Variants in TNKS1BP1 observed in about 807,000 individuals in gnomAD.
TNKS1BP1 encodes CCR4-NOT transcription complex subunit 12.
Under a neutral mutation model 141.1 loss-of-function variants are expected in TNKS1BP1, and 48 were observed. The observed-to-expected ratio is 0.34, with a 90% CI of 0.27 to 0.43. The LOEUF is 0.43. Among genes scored for constraint, TNKS1BP1 ranks in the 20% least tolerant of loss-of-function variants. The pLI is 1.00. For missense variants in TNKS1BP1, 2,149 were observed against 2,226.0 expected (o/e 0.97, Z 0.70); for synonymous variants, 875 against 898.2 (o/e 0.97, Z 0.46).
intron 3 of TNKS1BP1, 39 bp from the exon 4 acceptor site, chr11:57,317,926 T>C (rs1392811374): frequency 6.3e-7 from 1 of 1,593,782 alleles, no homozygotes; most frequent in Admixed American, 1.7e-5. Flanking sequence ...GCACGGAATG[T>C]TAGAGTCTGT....
intron 3 of TNKS1BP1, among the ~76,000 whole-genome samples, 166 bp from the exon 4 acceptor site, chr11:57,318,053 T>C (rs865854609): frequency 6.6e-6 from 1 of 152,238 alleles, no homozygotes. Flanking sequence ...ACACAGAATC[T>C]GTCCATTTTC....
intron 6 of TNKS1BP1, among the ~76,000 whole-genome samples, chr11:57,304,632 G>A (rs764448141): frequency 3.3e-5 from 5 of 152,144 alleles, no homozygotes; most frequent in Admixed American, 1.3e-4. Context: ...CACTTTGGGA[G>A]GCCAAAACAG....
At chr11:57,311,411 G>C (rs533649316) in intron 5 of TNKS1BP1, 2 of 985,562 alleles carry the variant, frequency 2.0e-6, no homozygotes, top group African/African-American at 3.5e-5. Context: ...GCGGCCAGCC[G>C]GGCGCAGGGA....
intron 1 of TNKS1BP1, 117 bp from the exon 2 acceptor site, chr11:57,322,067 G>A (rs1855895898): frequency 2.1e-6 from 1 of 475,984 alleles, no homozygotes. Context: ...GAGAGAACTT[G>A]GAGTGGGGGG....
In TNKS1BP1 at chr11:57,309,126, T is replaced by C. The variant is rs760992163; in HGVS notation, c.3585A>G (p.Ser1195=). 1 of 1,614,176 alleles carries C rather than the reference T, an allele frequency of 6.2e-7. No homozygotes were observed. The highest frequency in any genetic ancestry group is 1.1e-5 in the South Asian group (1 of 91,090). Residue 1195 remains serine, a synonymous_variant, in exon 6 of 12, where the codon TCA becomes TCG. Coordinates refer to ENST00000358252, the MANE Select transcript of TNKS1BP1 (RefSeq NM_033396.3). The surrounding 1 kb of genome is among the most constrained non-coding windows in gnomAD (Gnocchi z 4.3). ...TCATGTCTCTCAAGCTCAGGCCACCTGACCAGCCCATCTGTCCCACGGCAC... is the reference window on the plus strand; with the variant it reads ...TCATGTCTCTCAAGCTCAGGCCACCCGACCAGCCCATCTGTCCCACGGCAC... ...RESAVGQMGW[S]GGLSLRDMNL...
In TNKS1BP1 at chr11:57,301,868, G is replaced by A. The variant is rs771019584; in HGVS notation, c.4910C>T (p.Ser1637Leu). 2.1e-5 allele frequency: 34 copies of A among 1,614,014 alleles called. No homozygotes were observed. The highest frequency in any genetic ancestry group is 1.1e-4 in the African/African-American group (8 of 74,904). Residue 1637 changes from serine to leucine, a missense_variant, in exon 9 of 12, where the codon TCG (serine) becomes TTG (leucine). Physicochemically the swap from Ser to Leu is moderately radical, Grantham distance 145 (BLOSUM62 -2). Transcript: ENST00000358252. Reference protein sequence around the residue: ...EEPQSRRTRMSLGTKGLKVNL... With the variant: ...EEPQSRRTRMLLGTKGLKVNL... The stretch of plus-strand genomic sequence containing the variant: ...GACTTTCAGCCCCTTGGTGCCCAAC[G>A]ACATCCGTGTCCGGCGGCTCTGAGG...
chr11:57,301,755 GTGGCCACC>G (rs1855527396), intron 9 of TNKS1BP1, 44 bp downstream of exon 9: 2 of 1,582,780 alleles, frequency 1.3e-6, no homozygotes, highest in Admixed American at 3.5e-5. Context: ...AGCATGCAAG[GTGGCCACC>G]TGGCCAGATG....
At chr11:57,304,872 CAAAAAAAAAA>C (rs35084894) in intron 6 of TNKS1BP1, among the ~76,000 whole-genome samples, 1 of 72,746 alleles carries the variant, frequency 1.4e-5, no homozygotes, top group African/African-American at 6.3e-5. Flanking sequence ...AACTCCGTCT[CAAAAAAAAAA>C]AAAAAAAAAA....
At position 57,324,877 on chromosome 11, in the gene TNKS1BP1, C is replaced by G; in HGVS notation, c.-103G>C. ...GGTCCGGCTCCGCTCGGCTCGGGGC[C>G]CCGATGCCAGTCCCCGCCGCCGCCG... On this transcript the variant is annotated 5_prime_UTR_variant, in exon 1 of 12. Coordinates refer to ENST00000358252, the MANE Select transcript of TNKS1BP1 (RefSeq NM_033396.3). 1.0e-6 allele frequency: 1 copy of G among 990,658 alleles called. No individual in the cohort carries two copies. The highest frequency in any genetic ancestry group is 5.2e-4 in the Middle Eastern group (1 of 1,934). The allele number at this position is 990,658 out of a possible 1,614,324, so 61.4% of individuals were successfully genotyped here. A position where few individuals can be genotyped will look rare whatever the true frequency, so the allele number is the denominator to read the frequency against.
chr11:57,309,051 G>T lies in TNKS1BP1; in HGVS notation c.3660C>A (p.Ile1220=). Residue 1220 remains isoleucine, a synonymous_variant, in exon 6 of 12, where the codon ATC becomes ATA. Coordinates refer to ENST00000358252, the MANE Select transcript of TNKS1BP1 (RefSeq NM_033396.3). The surrounding 1 kb of genome is among the most constrained non-coding windows in gnomAD (Gnocchi z 4.3). ...ESGGSEEPGG[I]GVGEKDWTSD... is the part of the protein sequence containing the mutation. ...AAGTCCAGTCCTTCTCCCCAACTCC[G>T]ATTCCCCCCGGCTCTTCAGACCCTC... The T allele has an allele frequency of 1.9e-6, 3 of 1,613,992 alleles. No individual in the cohort carries two copies. The highest frequency in any genetic ancestry group is 2.5e-6 in the Non-Finnish European group (3 of 1,180,004).
Position 57,301,839 on chromosome 11 carries a change from G to A in TNKS1BP1, c.4939C>T (p.Leu1647Phe), listed in dbSNP as rs755003278. 3.1e-6 allele frequency: 5 copies of A among 1,614,176 alleles called. No individual in the cohort carries two copies. In the South Asian group the frequency reaches 3.3e-5, roughly 11 times the overall value. Residue 1647 changes from leucine to phenylalanine, a missense_variant, in exon 9 of 12, where the codon CTC becomes TTC. Leu to Phe is a conservative substitution (Grantham distance 22). Transcript: ENST00000358252. ...SLGTKGLKVN[L>F]FPGLSPSALK... ...GCTGAGGGGCTCAGGCCAGGAAAGA[G>A]GTTGACTTTCAGCCCCTTGGTGCCC...
At chr11:57,305,582 A>ATGC (rs1855597193) in intron 6 of TNKS1BP1, among the ~76,000 whole-genome samples, 1 of 152,150 alleles carries the variant, frequency 6.6e-6, no homozygotes, top group African/African-American at 2.4e-5. Context: ...GAAGCTGGAA[A>ATGC]GATGTGTCTA....
rs775345342 is a variant in TNKS1BP1 at position 57,302,270 on chromosome 11, AC to A, written c.4684-47del. 3.9e-5 allele frequency: 62 copies of A among 1,581,074 alleles called. No homozygotes were observed. The African/African-American group carries it at 7.1e-4, about 18-fold the overall frequency. ...ACCACTGCCATTGCTGCCTCATCCCACGGGAGCCCCTCAACAGTAGCTGACC... is the reference window on the plus strand; with the variant it reads ...ACCACTGCCATTGCTGCCTCATCCCAGGGAGCCCCTCAACAGTAGCTGACC... On this transcript the variant is annotated intron_variant, in intron 7 of 11. Coordinates refer to ENST00000358252, the MANE Select transcript of TNKS1BP1 (RefSeq NM_033396.3). The surrounding 1 kb of genome is among the most constrained non-coding windows in gnomAD (Gnocchi z 5.5).
intron 9 of TNKS1BP1, 111 bp from the exon 10 acceptor site, chr11:57,301,152 C>G: frequency 8.8e-7 from 1 of 1,137,956 alleles, no homozygotes; most frequent in Non-Finnish European, 1.2e-6. Flanking sequence ...AGCAGAGACC[C>G]CTCTGCAGTC....
At chr11:57,304,088 C>G (rs568258233) in intron 6 of TNKS1BP1, among the ~76,000 whole-genome samples, 1 of 152,216 alleles carries the variant, frequency 6.6e-6, no homozygotes, top group Admixed American at 6.5e-5. Context: ...CACAGAGCCA[C>G]ACCTGACACA....
At chr11:57,304,362 G>C (rs759524622) in intron 6 of TNKS1BP1, among the ~76,000 whole-genome samples, 1 of 152,230 alleles carries the variant, frequency 6.6e-6, no homozygotes, top group Non-Finnish European at 1.5e-5. Flanking sequence ...AGACATTGGG[G>C]GAGGAGGCAG....
At position 57,308,910 on chromosome 11, in the gene TNKS1BP1, C is replaced by T. The variant is rs35378326; in HGVS notation, c.3801G>A (p.Glu1267=). Residue 1267 remains glutamate, a synonymous_variant, in exon 6 of 12, where the codon GAG becomes GAA. Coordinates refer to ENST00000358252, the MANE Select transcript of TNKS1BP1 (RefSeq NM_033396.3). The stretch of plus-strand genomic sequence containing the variant: ...CTCCACGCTCCCTTGATTTAAGGAA[C>T]TCTCCGGCCTCCACACCTGACCAGT... ...QTDWSGVEAG[E]FLKSRERGVG... 8,702 of 1,613,962 alleles carry T rather than the reference C, an allele frequency of 5.4e-3. 51 individuals carry two copies. The highest frequency in any genetic ancestry group is 0.019 in the Middle Eastern group (114 of 6,062).
chr11:57,321,013 T>A (rs1855876938), intron 2 of TNKS1BP1, among the ~76,000 whole-genome samples: 1 of 152,216 alleles, frequency 6.6e-6, no homozygotes, highest in African/African-American at 2.4e-5. Flanking sequence ...GCCCCTAGCA[T>A]AAGTTATAAT....
chr11:57,309,590 C>G lies in TNKS1BP1; in HGVS notation c.3121G>C (p.Gly1041Arg), dbSNP rs757701921. Residue 1041 changes from glycine to arginine, a missense_variant, in exon 6 of 12, where the codon GGG becomes CGG. Coordinates refer to ENST00000358252, the MANE Select transcript of TNKS1BP1 (RefSeq NM_033396.3). This position sits in a 1 kb window ranked among gnomAD's most constrained non-coding sequence, Gnocchi z 4.3. ...STAHVPDGAL[G>R]QRDQSSWQNS... ...TGCCAGCTGCTCTGGTCTCTCTGCC[C>G]GAGTGCCCCATCCGGCACGTGGGCA... 1.2e-6 allele frequency: 2 copies of G among 1,613,552 alleles called. No individual in the cohort carries two copies. The highest frequency in any genetic ancestry group is 1.7e-6 in the Non-Finnish European group (2 of 1,180,038).
Sources: allele counts gnomAD v4.1 joint callset (sites outside exome capture counted in the v4.1 genomes callset), GRCh38; gene constraint gnomAD v4.1.1; non-coding constraint Gnocchi (gnomAD v3.1); transcripts MANE v1.5; gene names NCBI Gene and HGNC (gene_info 2026-07-23, HGNC 2026-07-21).